The following FLRT2 variants were observed in gnomAD, a reference collection of about 807,000 sequenced individuals.
FLRT2 encodes leucine-rich repeat transmembrane protein FLRT2.
A neutral mutation model predicts 40.0 loss-of-function variants in FLRT2; 15 were observed. The observed-to-expected ratio is 0.38, with a 90% CI of 0.25 to 0.58. The LOEUF is 0.58. FLRT2 is among the 20% of genes least tolerant of loss of function. The probability of loss-of-function intolerance (pLI) is 0.71; values close to 1 mark genes in which losing one functional copy is unlikely to be tolerated. For missense variants in FLRT2, 726 were observed against 840.0 expected (o/e 0.86, Z 1.68); for synonymous variants, 380 against 336.8 (o/e 1.13, Z -1.41).
rs560205911 is a variant in FLRT2 at position 85,642,642 on chromosome 14, A to G, written c.*19145A>G. 6.6e-6 allele frequency: 1 copy of G among 152,204 alleles called. No homozygotes were observed. The highest frequency in any genetic ancestry group is 1.5e-5 in the Non-Finnish European group (1 of 68,044). The allele number at this position is 152,204 out of a possible 1,614,324, so 9.4% of individuals were successfully genotyped here. ...CAACAGACTCAAAGGGAGGTACACC[A>G]GGTAGGAAAAATCATAACCAGATTG... On this transcript the variant is annotated 3_prime_UTR_variant, in exon 2 of 2. Coordinates refer to ENST00000330753, the MANE Select transcript of FLRT2 (RefSeq NM_013231.6).
chr14:85,541,772 A>G (rs1008089401), intron 1 of FLRT2, among the ~76,000 whole-genome samples: 1 of 152,126 alleles, frequency 6.6e-6, no homozygotes, highest in Admixed American at 6.5e-5. Context: ...GTTCATTGAA[A>G]GCATAGCCTT....
intron 1 of FLRT2, among the ~76,000 whole-genome samples, chr14:85,607,548 G>A (rs2753616): frequency 0.64 from 96,735 of 151,936 alleles, 31,277 homozygotes; most frequent in African/African-American, 0.74. Context: ...GAAAGTTTTC[G>A]GCTCCAGGAA....
chr14:85,647,998 ACC>A lies in FLRT2; in HGVS notation c.*24502_*24503del, dbSNP rs1344668307. On this transcript the variant is annotated 3_prime_UTR_variant, in exon 2 of 2. Coordinates refer to ENST00000330753, the MANE Select transcript of FLRT2 (RefSeq NM_013231.6). ...CTTGTTATGCATGTACTGACTTTTT[ACC>A]TCTTTCTTTTTCCCTACAATTTTAT... 2 of 152,014 alleles carry A rather than the reference ACC, an allele frequency of 1.3e-5. No homozygotes were observed. The highest frequency in any genetic ancestry group is 1.3e-4 in the Admixed American group (2 of 15,230). The allele number at this position is 152,014 out of a possible 1,614,324, so 9.4% of individuals were successfully genotyped here.
intron 1 of FLRT2, among the ~76,000 whole-genome samples, chr14:85,534,221 G>A (rs1255977046): frequency 6.6e-6 from 1 of 152,178 alleles, no homozygotes; most frequent in Non-Finnish European, 1.5e-5. Flanking sequence ...AGCCCCAGCT[G>A]GTGCCTCATC....
chr14:85,551,477 G>A (rs774395724), intron 1 of FLRT2, among the ~76,000 whole-genome samples: 1 of 152,130 alleles, frequency 6.6e-6, no homozygotes, highest in Admixed American at 6.5e-5. Flanking sequence ...GATATGTATT[G>A]AGTATTCACA....
In FLRT2 at chr14:85,622,868, C is replaced by T; in HGVS notation, c.1354C>T (p.Leu452Phe). The change falls in exon 2 of 2, where the codon CTC becomes TTC. Residue 452 changes from leucine to phenylalanine, a missense_variant. Leu to Phe is a conservative substitution (Grantham distance 22). This residue lies in a region of FLRT2 where 611 missense variants were observed against 690.0 expected (regional missense o/e 0.89). Coordinates refer to ENST00000330753, the MANE Select transcript of FLRT2 (RefSeq NM_013231.6). ...TCTCTTCACCGTGATGGCATACAAA[C>T]TCACATGGGTGAAAATGGGCCACAG... ...LSLFTVMAYK[L>F]TWVKMGHSLV... 2 of 1,614,214 alleles carry T rather than the reference C, an allele frequency of 1.2e-6. No homozygotes were observed. The highest frequency in any genetic ancestry group is 1.7e-6 in the Non-Finnish European group (2 of 1,180,046).
At chr14:85,569,348 C>T (rs1890789647) in intron 1 of FLRT2, among the ~76,000 whole-genome samples, 1 of 152,186 alleles carries the variant, frequency 6.6e-6, no homozygotes, top group Admixed American at 6.5e-5. Flanking sequence ...GAAGTTTGTG[C>T]TCCTCTGGTT....
intron 1 of FLRT2, among the ~76,000 whole-genome samples, chr14:85,563,776 T>G (rs1890483540): frequency 6.6e-6 from 1 of 152,156 alleles, no homozygotes; most frequent in Non-Finnish European, 1.5e-5. Flanking sequence ...CCTAGTACTT[T>G]ATGTAATCTT....
chr14:85,643,346 T>TCTTC lies in FLRT2; in HGVS notation c.*19852_*19853insCCTT, dbSNP rs1344170192. On this transcript the variant is annotated 3_prime_UTR_variant, in exon 2 of 2. Coordinates refer to ENST00000330753, the MANE Select transcript of FLRT2 (RefSeq NM_013231.6). ...TTCTTTCTTTCTTTCTTTCTTTCTT[T>TCTTC]CTTTCTTTCTTCCTTCCTTCCTTCC... 4 of 58,362 alleles carry TCTTC rather than the reference T, an allele frequency of 6.9e-5. No individual in the cohort carries two copies. Among genetic ancestry groups the TCTTC allele is most frequent in the Non-Finnish European group, 1.5e-4 (4 of 25,962 alleles). The allele number at this position is 58,362 out of a possible 1,614,324, so 3.6% of individuals were successfully genotyped here.
rs1594980594 is a variant in FLRT2, at chr14:85,647,424, T to G, written c.*23927T>G. 1 of 152,158 alleles carries G rather than the reference T, an allele frequency of 6.6e-6. No individual in the cohort carries two copies. The highest frequency in any genetic ancestry group is 1.5e-5 in the Non-Finnish European group (1 of 68,028). The allele number at this position is 152,158 out of a possible 1,614,324, so 9.4% of individuals were successfully genotyped here. A position where few individuals can be genotyped will look rare whatever the true frequency, so the allele number is the denominator to read the frequency against. The stretch of plus-strand genomic sequence containing the variant: ...ATGGAACTGGGAGAGATAACACTCA[T>G]TTTTCACCTACGCATCACTCACAAT... On this transcript the variant is annotated 3_prime_UTR_variant, in exon 2 of 2. Coordinates refer to ENST00000330753, the MANE Select transcript of FLRT2 (RefSeq NM_013231.6).
intron 1 of FLRT2, among the ~76,000 whole-genome samples, chr14:85,531,548 T>C (rs921811988): frequency 2.6e-5 from 4 of 152,130 alleles, no homozygotes; most frequent in African/African-American, 9.7e-5. Context: ...TGGGACGGGC[T>C]GGACCCATAC....
intron 1 of FLRT2, among the ~76,000 whole-genome samples, chr14:85,551,219 C>A (rs1482280658): frequency 6.6e-6 from 1 of 152,122 alleles, no homozygotes; most frequent in African/African-American, 2.4e-5. Flanking sequence ...CTTCAAATCC[C>A]ATTTCCTTTT....
chr14:85,533,502 T>G (rs576286366), intron 1 of FLRT2, among the ~76,000 whole-genome samples: 1 of 151,902 alleles, frequency 6.6e-6, no homozygotes, highest in Non-Finnish European at 1.5e-5. Flanking sequence ...TCCCGCCGAG[T>G]CCCGGGATCC....
intron 1 of FLRT2, among the ~76,000 whole-genome samples, chr14:85,620,319 A>C (rs1893323688): frequency 6.6e-6 from 1 of 152,198 alleles, no homozygotes; most frequent in Non-Finnish European, 1.5e-5. Flanking sequence ...TAGGTAACAA[A>C]AAGAAAAATA....
At chr14:85,565,640 T>C (rs980270724) in intron 1 of FLRT2, among the ~76,000 whole-genome samples, 2 of 152,284 alleles carry the variant, frequency 1.3e-5, no homozygotes, top group Admixed American at 1.3e-4. Flanking sequence ...GGTGAGGTTA[T>C]TGGTTTTAAA....
Position 85,621,672 on chromosome 14 carries a change from G to C in FLRT2, c.158G>C (p.Ser53Thr). 1 of 1,614,102 alleles carries C rather than the reference G, an allele frequency of 6.2e-7. No homozygotes were observed. The highest frequency in any genetic ancestry group is 8.5e-7 in the Non-Finnish European group (1 of 1,180,026). Reference protein sequence around the residue: ...DRNFVYCNERSLTSVPLGIPE... With the variant: ...DRNFVYCNERTLTSVPLGIPE... ...AACTTTGTCTACTGTAATGAGCGAAGCTTGACCTCAGTGCCTCTTGGGATC... is the reference window on the plus strand; with the variant it reads ...AACTTTGTCTACTGTAATGAGCGAACCTTGACCTCAGTGCCTCTTGGGATC... The change falls in exon 2 of 2, where the codon AGC (serine) becomes ACC (threonine). Residue 53 changes from serine to threonine, a missense_variant. Transcript: ENST00000330753.
chr14:85,586,001 A>G (rs1401893271), intron 1 of FLRT2, among the ~76,000 whole-genome samples: 3 of 149,080 alleles, frequency 2.0e-5, no homozygotes, highest in African/African-American at 7.3e-5. Flanking sequence ...ATTTCATTAA[A>G]AGCATATATT....
In FLRT2 at chr14:85,640,811, G is replaced by A. The variant is rs1363192603; in HGVS notation, c.*17314G>A. 6.7e-6 allele frequency: 1 copy of A among 149,200 alleles called. No individual in the cohort carries two copies. The allele number at this position is 149,200 out of a possible 1,614,324, so 9.2% of individuals were successfully genotyped here. A position where few individuals can be genotyped will look rare whatever the true frequency, so the allele number is the denominator to read the frequency against. On this transcript the variant is annotated 3_prime_UTR_variant, in exon 2 of 2. Coordinates refer to ENST00000330753, the MANE Select transcript of FLRT2 (RefSeq NM_013231.6). The stretch of plus-strand genomic sequence containing the variant: ...CTGCCTCCTATTCACTCTCTTAATA[G>A]CTTGAGAGAATTGTACACAAACGTT...
At chr14:85,610,810 C>G (rs1892824048) in intron 1 of FLRT2, among the ~76,000 whole-genome samples, 1 of 152,192 alleles carries the variant, frequency 6.6e-6, no homozygotes. Flanking sequence ...TGACACACAC[C>G]ATTATCATCG....
Sources: allele counts gnomAD v4.1 joint callset (sites outside exome capture counted in the v4.1 genomes callset), GRCh38; gene constraint gnomAD v4.1.1; regional missense constraint gnomAD v4.1.1; transcripts MANE v1.5; gene names NCBI Gene and HGNC (gene_info 2026-07-23, HGNC 2026-07-21).